ZNF761: variants seen among roughly 807,000 people sequenced by gnomAD.
ZNF761 encodes the protein zinc finger protein 761.
Under a neutral mutation model 59.9 loss-of-function variants are expected in ZNF761, and 43 were observed. That is an observed-to-expected ratio of 0.72 (90% CI 0.56 to 0.92). ZNF761 has a LOEUF of 0.92. ZNF761 is among the 40% of genes least tolerant of loss of function. The pLI is 0.00. For missense variants in ZNF761, 850 were observed against 906.1 expected (o/e 0.94, Z 0.79); for synonymous variants, 294 against 304.8 (o/e 0.96, Z 0.37).
intron 1 of ZNF761, among the ~76,000 whole-genome samples, chr19:53,437,015 A>G (rs1444449388): frequency 1.3e-5 from 2 of 152,116 alleles, no homozygotes; most frequent in African/African-American, 2.4e-5. Context: ...GAGCCACGGC[A>G]CATAGAAATG....
intron 1 of ZNF761, chr19:53,442,898 C>T (rs72483990): frequency 0.019 from 7,649 of 396,214 alleles, 249 homozygotes; most frequent in East Asian, 0.12. Flanking sequence ...AATACATAAT[C>T]ACTTCTGAAA....
chr19:53,441,780 T>G (rs2086103432), intron 1 of ZNF761: 4 of 971,658 alleles, frequency 4.1e-6, no homozygotes, highest in Non-Finnish European at 6.3e-6. Flanking sequence ...ATTTCTTTTT[T>G]AATTCATAAT....
At position 53,449,556 on chromosome 19, in the gene ZNF761, G is replaced by A. The variant is rs1389948114; in HGVS notation, c.60G>A (p.Glu20=). Residue 20 remains glutamate, a synonymous_variant, in exon 4 of 5, where the codon GAG becomes GAA. Transcript: ENST00000684525. ...FRDVAIEFSQ[E]EWKCLDPAQR... is the part of the protein sequence containing the mutation. ...ATGTGGCCATAGAATTCTCTCAGGA[G>A]GAGTGGAAATGCCTGGACCCTGCTC... 5.6e-6 allele frequency: 9 copies of A among 1,613,690 alleles called. No individual in the cohort carries two copies. Among genetic ancestry groups the A allele is most frequent in the South Asian group, 3.3e-5 (3 of 91,026 alleles).
chr19:53,440,643 C>G (rs571922074), intron 1 of ZNF761, among the ~76,000 whole-genome samples: 1 of 151,962 alleles, frequency 6.6e-6, no homozygotes, highest in African/African-American at 2.4e-5. Flanking sequence ...GGAAAAAAAT[C>G]TATTTCTGTT....
chr19:53,442,481 G>C, intron 1 of ZNF761: 1 of 742,194 alleles, frequency 1.3e-6, no homozygotes. Flanking sequence ...AGTTGGCTGA[G>C]AGATCAGTAG....
Position 53,435,547 on chromosome 19 carries a change from C to T in ZNF761, c.-185+3519C>T, listed in dbSNP as rs562791535. Among the ~76,000 whole-genome samples the T allele has an allele frequency of 3.0e-3, 461 of 152,046 alleles. 4 individuals carry two copies. Among genetic ancestry groups the T allele is most frequent in the African/African-American group, 0.011 (444 of 41,460 alleles). On this transcript the variant is annotated intron_variant, in intron 1 of 4. Coordinates refer to ENST00000684525, the MANE Select transcript of ZNF761 (RefSeq NM_001289951.2). ...CGAACTCCCGACCTCAGGTGATCCA[C>T]CCATCGTGGCCTCCAAAAGGGCTGG...
At position 53,449,684 on chromosome 19, in the gene ZNF761, C is replaced by A. The variant is rs776811306; in HGVS notation, c.142+46C>A. On this transcript the variant is annotated intron_variant, in intron 4 of 4. Coordinates refer to ENST00000684525, the MANE Select transcript of ZNF761 (RefSeq NM_001289951.2). ...GAAGTGGGAATGTGCCCTTGTGTAT[C>A]TTTGTATTTTCTCTTGTTTTTAGAT... 5.7e-6 allele frequency: 9 copies of A among 1,591,010 alleles called. No homozygotes were observed. In the Admixed American group the frequency reaches 1.6e-4, roughly 29 times the overall value.
At chr19:53,443,781 GGAAA>G (rs146030228) in intron 1 of ZNF761, 6,824 of 152,188 alleles carry the variant, frequency 0.045, 195 homozygotes, top group African/African-American at 0.082. Context: ...GGTTTGTTGG[GGAAA>G]GAAAGAGAGA....
Position 53,457,156 on chromosome 19 carries a change from A to G in ZNF761, c.*408A>G, listed in dbSNP as rs1600102024. 1 of 512,884 alleles carries G rather than the reference A, an allele frequency of 1.9e-6. No homozygotes were observed. Among genetic ancestry groups the G allele is most frequent in the East Asian group, 5.0e-5 (1 of 20,056 alleles). The allele number at this position is 512,884 out of a possible 1,614,324, so 31.8% of individuals were successfully genotyped here. A position where few individuals can be genotyped will look rare whatever the true frequency, so the allele number is the denominator to read the frequency against. On this transcript the variant is annotated 3_prime_UTR_variant, in exon 5 of 5. Coordinates refer to ENST00000684525, the MANE Select transcript of ZNF761 (RefSeq NM_001289951.2). The stretch of plus-strand genomic sequence containing the variant: ...GCAATCCATGGTGTAGGGAAACTTT[A>G]CTAAGGTAATGATTGTCACAAAGTC...
chr19:53,454,699 CA>C lies in ZNF761; in HGVS notation c.194del (p.Asn65ThrfsTer49). 6.2e-7 allele frequency: 1 copy of C among 1,612,238 alleles called. No individual in the cohort carries two copies. The highest frequency in any genetic ancestry group is 2.2e-5 in the East Asian group (1 of 44,866). ...MKEFLSTAQG[N>X]REVFHAGTLQ... ...AGGAGTTCTTGTCAACAGCGCAAGG[CA>C]ACAGAGAAGTGTTCCATGCAGGGAC... On this transcript the variant is annotated frameshift_variant, in exon 5 of 5. Coordinates refer to ENST00000684525, the MANE Select transcript of ZNF761 (RefSeq NM_001289951.2). LOFTEE classifies it high-confidence loss of function.
At position 53,455,896 on chromosome 19, in the gene ZNF761, G is replaced by A. The variant is rs768268676; in HGVS notation, c.1389G>A (p.Glu463=). The A allele has an allele frequency of 1.9e-6, 3 of 1,613,922 alleles. No individual in the cohort carries two copies. The highest frequency in any genetic ancestry group is 2.5e-6 in the Non-Finnish European group (3 of 1,179,916). ...GCCATCGTAGACGTCATACTGGAGA[G>A]CAACCTTACAAATGTGAAGAATGTG... ...LTCHRRRHTG[E]QPYKCEECDK... Residue 463 remains glutamate, a synonymous_variant, in exon 5 of 5, where the codon GAG becomes GAA. Transcript: ENST00000684525.
chr19:53,438,625 A>G (rs2086067021), intron 1 of ZNF761, among the ~76,000 whole-genome samples: 1 of 152,134 alleles, frequency 6.6e-6, no homozygotes, highest in African/African-American at 2.4e-5. Flanking sequence ...CATCAGTGAA[A>G]AACTTGGAAT....
chr19:53,441,030 A>T (rs2086094068), intron 1 of ZNF761, among the ~76,000 whole-genome samples: 1 of 152,188 alleles, frequency 6.6e-6, no homozygotes, highest in African/African-American at 2.4e-5. Flanking sequence ...GCCATTAACC[A>T]CAGCACTTTG....
At chr19:53,437,248 G>A (rs2086052473) in intron 1 of ZNF761, among the ~76,000 whole-genome samples, 1 of 151,930 alleles carries the variant, frequency 6.6e-6, no homozygotes, top group Admixed American at 6.6e-5. Context: ...AACCTGGGAA[G>A]CAGAGGTTGC....
intron 4 of ZNF761, among the ~76,000 whole-genome samples, chr19:53,452,746 A>G (rs2086232316): frequency 6.6e-6 from 1 of 152,230 alleles, no homozygotes; most frequent in Non-Finnish European, 1.5e-5. Context: ...AAACAGGAAC[A>G]GGCAACGAGC....
intron 2 of ZNF761, 73 bp from the exon 3 acceptor site, chr19:53,447,123 T>C (rs1249069502): frequency 3.0e-6 from 3 of 1,000,696 alleles, no homozygotes; most frequent in Non-Finnish European, 4.3e-6. Flanking sequence ...AGGTCGCCTT[T>C]GTATGTGTGG....
At chr19:53,444,525 C>T (rs1485269416) in intron 1 of ZNF761, 3 of 152,300 alleles carry the variant, frequency 2.0e-5, no homozygotes, top group Non-Finnish European at 4.4e-5. Context: ...CCTCTCCCCA[C>T]CATTAGCCTG....
chr19:53,447,443 A>G (rs1215322511), intron 3 of ZNF761, among the ~76,000 whole-genome samples, 160 bp downstream of exon 3: 3 of 152,058 alleles, frequency 2.0e-5, no homozygotes, highest in African/African-American at 7.2e-5. Context: ...CTTAGATTCC[A>G]TCTCTCGTGA....
At chr19:53,446,913 G>T (rs34000169) in intron 2 of ZNF761, among the ~76,000 whole-genome samples, 8,896 of 152,180 alleles carry the variant, frequency 0.058, 372 homozygotes, top group African/African-American at 0.12. Context: ...TGAGGCACCA[G>T]ACCCAGCATC....
Sources: gnomAD v4.1 joint callset for allele counts (sites outside exome capture counted in the v4.1 genomes callset) on GRCh38, gnomAD v4.1.1 for gene constraint, MANE v1.5 for transcripts, NCBI Gene and HGNC (gene_info 2026-07-23, HGNC 2026-07-21) for gene names.